LRRTM4: variants seen among roughly 807,000 people sequenced by gnomAD.
LRRTM4 encodes leucine rich repeat transmembrane neuronal 4, also known as leucine-rich repeat transmembrane neuronal protein 4.
In LRRTM4, 25 loss-of-function variants were observed where a neutral mutation model predicts 47.6. That is an observed-to-expected ratio of 0.53 (90% CI 0.38 to 0.73). LRRTM4 has a LOEUF of 0.73. LRRTM4 is among the 30% of genes least tolerant of loss of function. LRRTM4 has a pLI of 0.00. For synonymous variants in LRRTM4, 311 were observed against 269.5 expected (o/e 1.15, Z -1.51); for missense variants, 638 against 713.4 (o/e 0.89, Z 1.20).
intron 3 of LRRTM4, among the ~76,000 whole-genome samples, chr2:76,976,932 C>G (rs999996365): frequency 6.6e-6 from 1 of 151,574 alleles, no homozygotes; most frequent in Non-Finnish European, 1.5e-5. Flanking sequence ...ATACATGTGT[C>G]GAAATATCAC....
intron 3 of LRRTM4, among the ~76,000 whole-genome samples, chr2:76,875,001 C>A (rs780571022): frequency 3.9e-5 from 6 of 151,962 alleles, no homozygotes; most frequent in Non-Finnish European, 5.9e-5. Flanking sequence ...TATATGCCTG[C>A]CAATATCTCT....
chr2:77,178,235 T>C (rs939482617), intron 3 of LRRTM4, among the ~76,000 whole-genome samples: 2 of 152,192 alleles, frequency 1.3e-5, no homozygotes, highest in African/African-American at 4.8e-5. Flanking sequence ...GAGATAACTA[T>C]TTTCAATACT....
intron 3 of LRRTM4, among the ~76,000 whole-genome samples, chr2:77,378,389 T>A (rs1672918908): frequency 6.6e-6 from 1 of 152,118 alleles, no homozygotes; most frequent in Non-Finnish European, 1.5e-5. Context: ...TAATTTTATT[T>A]TGAAAGCTAC....
intron 3 of LRRTM4, among the ~76,000 whole-genome samples, chr2:77,156,898 T>A (rs1406439999): frequency 6.6e-6 from 1 of 152,018 alleles, no homozygotes. Flanking sequence ...CTTTTATTTT[T>A]TTTTTTCTCA....
chr2:77,320,034 G>A (rs1677742706), intron 3 of LRRTM4, among the ~76,000 whole-genome samples: 1 of 151,776 alleles, frequency 6.6e-6, no homozygotes, highest in Admixed American at 6.6e-5. Flanking sequence ...TTTTTTTTAG[G>A]GGAAACCGGC....
intron 3 of LRRTM4, among the ~76,000 whole-genome samples, chr2:77,223,711 G>A (rs936059561): frequency 2.8e-4 from 43 of 152,094 alleles, no homozygotes; most frequent in Non-Finnish European, 1.2e-4. Context: ...AATAAAAGAG[G>A]ATACAAACAA....
chr2:77,038,051 C>G (rs148156761), intron 3 of LRRTM4, among the ~76,000 whole-genome samples: 3 of 151,528 alleles, frequency 2.0e-5, no homozygotes, highest in Non-Finnish European at 4.4e-5. Context: ...GACTTTCTCC[C>G]CAGTGATGTG....
chr2:77,280,471 A>G (rs1189850793), intron 3 of LRRTM4, among the ~76,000 whole-genome samples: 1 of 152,078 alleles, frequency 6.6e-6, no homozygotes, highest in Admixed American at 6.6e-5. Context: ...ATTGCTCAGA[A>G]TATCTTCTAT....
At chr2:77,140,816 T>A (rs909755507) in intron 3 of LRRTM4, among the ~76,000 whole-genome samples, 4 of 152,120 alleles carry the variant, frequency 2.6e-5, no homozygotes, top group African/African-American at 9.7e-5. Flanking sequence ...GTGAAGGATA[T>A]GAACAGATAC....
At chr2:77,140,626 G>C (rs1672093998) in intron 3 of LRRTM4, among the ~76,000 whole-genome samples, 1 of 152,064 alleles carries the variant, frequency 6.6e-6, no homozygotes, top group African/African-American at 2.4e-5. Flanking sequence ...TTGACAAATG[G>C]GATCTAATTA....
chr2:76,789,220 AC>A lies in LRRTM4; in HGVS notation c.1552-40305del, dbSNP rs571394059. On this transcript the variant is annotated intron_variant, in intron 3 of 3. Coordinates refer to ENST00000409884, the MANE Select transcript of LRRTM4 (RefSeq NM_001134745.3). ...TGCTTTGTTTTCTTCACACCAAGGC[AC>A]CTTATGTGCTAGCAGTGGCAGTGAT... 1.4e-4 allele frequency among the ~76,000 whole-genome samples: 22 copies of A among 152,288 alleles called. 1 individual carries two copies. The South Asian group carries it at 3.7e-3, about 26-fold the overall frequency.
chr2:77,182,583 G>A (rs928643622), intron 3 of LRRTM4, among the ~76,000 whole-genome samples: 1 of 152,030 alleles, frequency 6.6e-6, no homozygotes, highest in Non-Finnish European at 1.5e-5. Context: ...AGGAGATTTT[G>A]GGCTGAGACG....
chr2:77,049,447 A>T (rs1464559214), intron 3 of LRRTM4, among the ~76,000 whole-genome samples: 1 of 151,258 alleles, frequency 6.6e-6, no homozygotes, highest in Admixed American at 6.6e-5. Flanking sequence ...GAGCCTTGCT[A>T]GCATTTTGTT....
chr2:76,903,413 G>A (rs1488917471), intron 3 of LRRTM4, among the ~76,000 whole-genome samples: 1 of 151,752 alleles, frequency 6.6e-6, no homozygotes, highest in African/African-American at 2.4e-5. Context: ...GCGGGCGCCT[G>A]TAGTCCCAGC....
intron 3 of LRRTM4, among the ~76,000 whole-genome samples, chr2:77,389,717 A>T (rs1174260823): frequency 6.6e-6 from 1 of 152,060 alleles, no homozygotes; most frequent in Non-Finnish European, 1.5e-5. Flanking sequence ...CAAATGAGCT[A>T]AGAGATGCCT....
chr2:76,806,068 G>C (rs1456445242), intron 3 of LRRTM4, among the ~76,000 whole-genome samples: 3 of 152,096 alleles, frequency 2.0e-5, no homozygotes, highest in South Asian at 4.1e-4. Context: ...TAAGATGCAC[G>C]TACAGAACAA....
At chr2:77,369,259 G>GT (rs1357698536) in intron 3 of LRRTM4, among the ~76,000 whole-genome samples, 2 of 151,334 alleles carry the variant, frequency 1.3e-5, no homozygotes, top group African/African-American at 4.8e-5. Context: ...TTTGTCAATT[G>GT]TTTTTTGCTG....
chr2:77,407,921 C>T (rs563947631), intron 3 of LRRTM4, among the ~76,000 whole-genome samples: 6 of 151,128 alleles, frequency 4.0e-5, no homozygotes, highest in African/African-American at 1.5e-4. Context: ...TATCAAATAA[C>T]CTGGCAACAG....
chr2:76,915,729 A>G (rs1050821613), intron 3 of LRRTM4, among the ~76,000 whole-genome samples: 1 of 152,174 alleles, frequency 6.6e-6, no homozygotes, highest in African/African-American at 2.4e-5. Context: ...CAAATAAGTA[A>G]AAAAATTAAA....
Sources: allele counts gnomAD v4.1 joint callset (sites outside exome capture counted in the v4.1 genomes callset), GRCh38; gene constraint gnomAD v4.1.1; transcripts MANE v1.5; gene names NCBI Gene and HGNC (gene_info 2026-07-23, HGNC 2026-07-21).